Variants in LTBP1 observed in about 807,000 individuals in gnomAD.
The protein encoded by LTBP1 is latent transforming growth factor beta binding protein 1.
LTBP1 carries 129 observed loss-of-function variants against 207.6 expected under a neutral mutation model. That is an observed-to-expected ratio of 0.62 (90% CI 0.54 to 0.72). The LOEUF (loss-of-function observed/expected upper bound fraction) is 0.72. Among genes scored for constraint, LTBP1 ranks in the 30% least tolerant of loss-of-function variants. The pLI is 0.00. For synonymous variants in LTBP1, 963 were observed against 833.7 expected (o/e 1.16, Z -2.67); for missense variants, 2,281 against 2,217.2 (o/e 1.03, Z -0.58).
chr2:32,979,745 C>G (rs1044247989), intron 2 of LTBP1, among the ~76,000 whole-genome samples: 4 of 152,078 alleles, frequency 2.6e-5, no homozygotes, highest in Non-Finnish European at 2.9e-5. Flanking sequence ...GATATTCTGT[C>G]TGGATGATGT....
chr2:33,352,572 T>G (rs868624399), intron 26 of LTBP1, among the ~76,000 whole-genome samples: 2 of 152,206 alleles, frequency 1.3e-5, no homozygotes, highest in South Asian at 2.1e-4. Context: ...CTCTCCCTGT[T>G]GCGGATGCTA....
At chr2:33,191,775 C>T (rs928260655) in intron 7 of LTBP1, among the ~76,000 whole-genome samples, 2 of 152,112 alleles carry the variant, frequency 1.3e-5, no homozygotes, top group Non-Finnish European at 2.9e-5. Context: ...TCAGTGGAGC[C>T]GTCTTATTAA....
chr2:33,273,654 A>G lies in LTBP1; in HGVS notation c.2618-2A>G, dbSNP rs1558925671. On this transcript the variant is annotated splice_acceptor_variant, in intron 15 of 33. Coordinates refer to ENST00000404816, the MANE Select transcript of LTBP1 (RefSeq NM_206943.4). LOFTEE classifies it high-confidence loss of function. The stretch of plus-strand genomic sequence containing the variant: ...TTCACATTATTTTATTTACTTTTAA[A>G]GAAATCAATGAATGTACTGTGAACC... The G allele has an allele frequency of 1.3e-6, 2 of 1,597,810 alleles. No individual in the cohort carries two copies. The highest frequency in any genetic ancestry group is 1.7e-6 in the Non-Finnish European group (2 of 1,173,510).
chr2:33,194,894 G>T (rs1251253832), intron 7 of LTBP1, among the ~76,000 whole-genome samples: 2 of 152,212 alleles, frequency 1.3e-5, no homozygotes, highest in Admixed American at 1.3e-4. Flanking sequence ...GTTGCAGCCA[G>T]TGCTCATAGG....
At chr2:33,282,062 C>CATATATATAT (rs66505403) in intron 19 of LTBP1, among the ~76,000 whole-genome samples, 75 of 142,866 alleles carry the variant, frequency 5.2e-4, no homozygotes, top group Non-Finnish European at 8.1e-4. Context: ...CCTATATGTG[C>CATATATATAT]ATATATATAT....
At chr2:33,149,084 A>G (rs868723293) in intron 5 of LTBP1, among the ~76,000 whole-genome samples, 1 of 152,156 alleles carries the variant, frequency 6.6e-6, no homozygotes, top group African/African-American at 2.4e-5. Flanking sequence ...GCGTGGTGGC[A>G]GGCGCCTGCA....
Position 32,947,522 on chromosome 2 carries a change from G to C in LTBP1, c.198G>C (p.Ser66=), listed in dbSNP as rs112460560. ...TCAACGCCAGGTACAGCCGCAGCTC[G>C]GCGGCTGCCGGCGCCCCCAGCCGTG... is the stretch of plus-strand genomic sequence containing the variant. The part of the protein sequence containing the change: ...VALNARYSRS[S]AAAGAPSRAS... The change falls in exon 1 of 34, where the codon TCG becomes TCC. Residue 66 remains serine (S), a synonymous_variant. Coordinates refer to ENST00000404816, the MANE Select transcript of LTBP1 (RefSeq NM_206943.4). 7.1e-7 allele frequency: 1 copy of C among 1,400,740 alleles called. No individual in the cohort carries two copies. The highest frequency in any genetic ancestry group is 9.3e-7 in the Non-Finnish European group (1 of 1,079,102). The allele number at this position is 1,400,740 out of a possible 1,614,324, so 86.8% of individuals were successfully genotyped here.
rs1208300568 is a variant in LTBP1, at chr2:33,000,756, G to GT, written c.566-20148dup. The stretch of plus-strand genomic sequence containing the variant: ...AATGCATGTTTAATAAGTACTCTGG[G>GT]TTTTTCAAACTGTGTTCTCAGAAAC... On this transcript the variant is annotated intron_variant, in intron 2 of 33. Coordinates refer to ENST00000404816, the MANE Select transcript of LTBP1 (RefSeq NM_206943.4). Among the ~76,000 whole-genome samples, 5 of 133,934 alleles carry GT rather than the reference G, an allele frequency of 3.7e-5. 2 individuals are homozygous for GT. In the East Asian group the frequency reaches 1.9e-3, roughly 52 times the overall value. The allele number at this position is 133,934 out of a possible 152,430, so 87.9% of individuals were successfully genotyped here. A position where few individuals can be genotyped will look rare whatever the true frequency, so the allele number is the denominator to read the frequency against.
intron 31 of LTBP1, among the ~76,000 whole-genome samples, chr2:33,380,856 C>A (rs1406035519): frequency 6.6e-6 from 1 of 152,046 alleles, no homozygotes; most frequent in Non-Finnish European, 1.5e-5. Context: ...TAAGCACATG[C>A]TTAGTTCCTG....
intron 5 of LTBP1, among the ~76,000 whole-genome samples, chr2:33,136,558 T>G (rs1179335862): frequency 6.6e-6 from 1 of 152,160 alleles, no homozygotes; most frequent in Non-Finnish European, 1.5e-5. Context: ...TCCAGTAGAC[T>G]ATCATGAGTC....
At chr2:33,076,818 A>G in intron 3 of LTBP1, among the ~76,000 whole-genome samples, 1 of 51,882 alleles carries the variant, frequency 1.9e-5, no homozygotes, top group East Asian at 9.5e-4. Context: ...TACAGGCATG[A>G]GCCACCGCGC....
intron 9 of LTBP1, among the ~76,000 whole-genome samples, chr2:33,236,777 C>A (rs2092073248): frequency 6.6e-6 from 1 of 152,172 alleles, no homozygotes; most frequent in Admixed American, 6.5e-5. Flanking sequence ...TATCTGTAGA[C>A]TACAGTCATG....
At chr2:33,222,028 G>A in intron 8 of LTBP1, 52 bp from the exon 9 acceptor site, 1 of 1,338,072 alleles carries the variant, frequency 7.5e-7, no homozygotes. Flanking sequence ...ACTTACACTA[G>A]TCTAAGATTG....
chr2:32,952,476 G>C (rs1372635386), intron 2 of LTBP1, among the ~76,000 whole-genome samples: 1 of 152,164 alleles, frequency 6.6e-6, no homozygotes, highest in East Asian at 1.9e-4. Context: ...GATGACTCTT[G>C]ATAGCCTTAC....
intron 3 of LTBP1, among the ~76,000 whole-genome samples, chr2:33,063,582 T>C (rs941845240): frequency 1.3e-5 from 2 of 152,188 alleles, no homozygotes; most frequent in African/African-American, 4.8e-5. Context: ...TTTAAATTCC[T>C]TCTCTGGTAA....
At chr2:33,097,504 A>G (rs778988307) in intron 3 of LTBP1, among the ~76,000 whole-genome samples, 37 of 152,200 alleles carry the variant, frequency 2.4e-4, no homozygotes, top group Admixed American at 1.6e-3. Flanking sequence ...TGAAATACAC[A>G]TATCATTTTA....
At chr2:33,181,618 A>G (rs1414477125) in intron 5 of LTBP1, among the ~76,000 whole-genome samples, 3 of 152,242 alleles carry the variant, frequency 2.0e-5, no homozygotes, top group Non-Finnish European at 2.9e-5. Flanking sequence ...CTGATGCAAT[A>G]TAGTGAATTA....
chr2:33,126,740 T>G (rs1225802834), intron 4 of LTBP1, among the ~76,000 whole-genome samples: 1 of 152,208 alleles, frequency 6.6e-6, no homozygotes, highest in African/African-American at 2.4e-5. Context: ...TGAGATCTAT[T>G]GAGTTTGGCC....
chr2:33,024,015 A>G (rs2075298000), intron 3 of LTBP1, among the ~76,000 whole-genome samples: 1 of 152,258 alleles, frequency 6.6e-6, no homozygotes, highest in Non-Finnish European at 1.5e-5. Flanking sequence ...TATGTCTAAC[A>G]TGCCAAAATG....
Sources: gnomAD v4.1 joint callset for allele counts (sites outside exome capture counted in the v4.1 genomes callset) on GRCh38, gnomAD v4.1.1 for gene constraint, MANE v1.5 for transcripts, NCBI Gene and HGNC (gene_info 2026-07-23, HGNC 2026-07-21) for gene names.